The following VPS8 variants were observed in gnomAD, a reference collection of about 807,000 sequenced individuals.
The protein encoded by VPS8 is vacuolar protein sorting-associated protein 8 homolog.
Under a neutral mutation model 216.4 loss-of-function variants are expected in VPS8, and 129 were observed. The observed-to-expected ratio is 0.60, with a 90% CI of 0.52 to 0.69. The LOEUF (loss-of-function observed/expected upper bound fraction) is 0.69, where lower values mean the gene tolerates loss of function less well. Ranked by LOEUF, VPS8 falls within the 30% of genes least tolerant of loss-of-function variation. VPS8 has a pLI of 0.00. For synonymous variants in VPS8, 571 were observed against 565.4 expected (o/e 1.01, Z -0.14); for missense variants, 1,531 against 1,683.5 (o/e 0.91, Z 1.59).
chr3:184,960,244 G>T (rs1334141101), intron 37 of VPS8, among the ~76,000 whole-genome samples: 1 of 152,032 alleles, frequency 6.6e-6, no homozygotes, highest in Non-Finnish European at 1.5e-5. Flanking sequence ...ATCATTGTTG[G>T]ACATTTGGGT....
intron 28 of VPS8, 90 bp from the exon 29 acceptor site, chr3:184,920,037 C>G: frequency 4.3e-6 from 4 of 937,562 alleles, no homozygotes; most frequent in Non-Finnish European, 6.4e-6. Context: ...TGAGAAATTA[C>G]TTGGATTTTA....
At chr3:185,009,362 C>T (rs2109981386) in intron 45 of VPS8, among the ~76,000 whole-genome samples, 1 of 152,070 alleles carries the variant, frequency 6.6e-6, no homozygotes, top group South Asian at 2.1e-4. Flanking sequence ...ACTTATTAAG[C>T]TGGCAAATAT....
At chr3:185,046,690 A>G (rs956615625) in intron 46 of VPS8, among the ~76,000 whole-genome samples, 1 of 152,200 alleles carries the variant, frequency 6.6e-6, no homozygotes, top group Non-Finnish European at 1.5e-5. Context: ...TGCCAAGCCC[A>G]TACATTATGT....
Position 184,914,999 on chromosome 3 carries a change from T to C in VPS8, c.2208T>C (p.Arg736=). ...CTTCTAGCTGTTGTCTAGCAGGTCG[T>C]GCCTATCCCCTTGGTGACATCCCTG... ...LVYISCCLAG[R]AYPLGDIPED... The change falls in exon 27 of 48, where the codon CGT becomes CGC. Residue 736 remains arginine, a synonymous_variant. Coordinates refer to ENST00000625842, the MANE Select transcript of VPS8 (RefSeq NM_001009921.3). 1 of 1,614,044 alleles carries C rather than the reference T, an allele frequency of 6.2e-7. No homozygotes were observed. Among genetic ancestry groups the C allele is most frequent in the Non-Finnish European group, 8.5e-7 (1 of 1,179,890 alleles).
intron 1 of VPS8, chr3:184,816,089 G>T (rs1365339786): frequency 6.6e-6 from 1 of 152,174 alleles, no homozygotes; most frequent in Non-Finnish European, 1.5e-5. Flanking sequence ...GCTGAAGTGG[G>T]TCTGAGAAGA....
intron 46 of VPS8, among the ~76,000 whole-genome samples, chr3:185,042,385 T>A (rs943177148): frequency 3.3e-5 from 5 of 152,250 alleles, no homozygotes; most frequent in Non-Finnish European, 7.3e-5. Flanking sequence ...TGGATTTTTT[T>A]AAGATCTTCC....
intron 3 of VPS8, among the ~76,000 whole-genome samples, chr3:184,831,022 A>G (rs1050915643): frequency 6.6e-6 from 1 of 152,240 alleles, no homozygotes; most frequent in Non-Finnish European, 1.5e-5. Flanking sequence ...AGAGAAGATG[A>G]GAGCTTAGAA....
At position 184,996,596 on chromosome 3, in the gene VPS8, G is replaced by A. The variant is rs1028391819; in HGVS notation, c.3836+95G>A. The stretch of plus-strand genomic sequence containing the variant: ...CATGGATACACGGGTAGTCATTCTA[G>A]CAGTGAACGTGATAGGCAAGTTCCT... On this transcript the variant is annotated intron_variant, in intron 44 of 47. Transcript: ENST00000625842. The A allele has an allele frequency of 2.9e-6, 4 of 1,393,480 alleles. No homozygotes were observed. The African/African-American group carries it at 5.7e-5, about 20-fold the overall frequency. The allele number at this position is 1,393,480 out of a possible 1,614,324, so 86.3% of individuals were successfully genotyped here.
chr3:184,848,662 A>G (rs1344788011), intron 8 of VPS8, among the ~76,000 whole-genome samples: 1 of 144,358 alleles, frequency 6.9e-6, no homozygotes, highest in Admixed American at 7.5e-5. Flanking sequence ...TCTGCCTCCC[A>G]AGTTTAAGTG....
chr3:184,813,762 G>T (rs1053456883), intron 1 of VPS8: 1 of 152,214 alleles, frequency 6.6e-6, no homozygotes, highest in Non-Finnish European at 1.5e-5. Flanking sequence ...GGACATGTTG[G>T]TGATTCTTAG....
At chr3:184,978,647 A>G (rs1235260472) in intron 40 of VPS8, among the ~76,000 whole-genome samples, 1 of 151,744 alleles carries the variant, frequency 6.6e-6, no homozygotes, top group East Asian at 1.9e-4. Flanking sequence ...CAATCTCCCC[A>G]CCTCAGCCTC....
intron 36 of VPS8, 42 bp downstream of exon 36, chr3:184,940,285 T>TATA: frequency 1.2e-6 from 1 of 807,936 alleles, no homozygotes; most frequent in South Asian, 4.0e-5. Context: ...TATATATATA[T>TATA]ATATGAGAAA....
intron 17 of VPS8, among the ~76,000 whole-genome samples, chr3:184,867,643 C>A (rs909044882): frequency 6.6e-6 from 1 of 152,146 alleles, no homozygotes; most frequent in African/African-American, 2.4e-5. Context: ...GCTAAGAGTT[C>A]AAGACCAGCC....
chr3:184,814,535 CT>C, intron 1 of VPS8, among the ~76,000 whole-genome samples: 1 of 152,222 alleles, frequency 6.6e-6, no homozygotes, highest in East Asian at 1.9e-4. Context: ...CAGCATGTTA[CT>C]GTACTGAATA....
intron 36 of VPS8, among the ~76,000 whole-genome samples, chr3:184,942,734 A>G (rs946564393): frequency 2.6e-5 from 4 of 152,178 alleles, no homozygotes. Context: ...GATTTAGATT[A>G]TGCTCTAAAC....
At chr3:184,837,041 G>C (rs764288509) in intron 5 of VPS8, among the ~76,000 whole-genome samples, 3 of 151,912 alleles carry the variant, frequency 2.0e-5, no homozygotes, top group Non-Finnish European at 4.4e-5. Flanking sequence ...ATCTCCTAGG[G>C]TACTGATTAA....
At chr3:184,871,937 A>G (rs144762257) in intron 21 of VPS8, among the ~76,000 whole-genome samples, 106 of 152,226 alleles carry the variant, frequency 7.0e-4, no homozygotes, top group African/African-American at 2.0e-3. Context: ...ATGCCATGCT[A>G]GTGAGCTTCT....
rs1250448362 is a variant in VPS8 at position 184,999,864 on chromosome 3, A to G, written c.4002+3A>G. ...AGGGAAGGATAACCCCATCACAGGT[A>G]AGACTTGTTTTCGTGGCAAAATGGA... On this transcript the variant is annotated splice_donor_region_variant and intron_variant, in intron 45 of 47. Coordinates refer to ENST00000625842, the MANE Select transcript of VPS8 (RefSeq NM_001009921.3). 1 of 1,601,930 alleles carries G rather than the reference A, an allele frequency of 6.2e-7. No homozygotes were observed. The highest frequency in any genetic ancestry group is 2.2e-5 in the East Asian group (1 of 44,792).
chr3:184,852,396 T>C, intron 10 of VPS8, 104 bp from the exon 11 acceptor site: 1 of 901,276 alleles, frequency 1.1e-6, no homozygotes, highest in Non-Finnish European at 1.7e-6. Context: ...TTTCAAAAGC[T>C]ATTAAATGTG....
Sources: allele counts gnomAD v4.1 joint callset (sites outside exome capture counted in the v4.1 genomes callset), GRCh38; gene constraint gnomAD v4.1.1; transcripts MANE v1.5; gene names NCBI Gene and HGNC (gene_info 2026-07-23, HGNC 2026-07-21).